The following GALNT13 variants were observed in gnomAD, a reference collection of about 807,000 sequenced individuals.
GALNT13 encodes polypeptide N-acetylgalactosaminyltransferase 13.
In GALNT13, 28 loss-of-function variants were observed where a neutral mutation model predicts 64.2. The observed-to-expected ratio is 0.44, with a 90% CI of 0.32 to 0.60. GALNT13 has a LOEUF of 0.60. Ranked by LOEUF, GALNT13 falls within the 20% of genes least tolerant of loss-of-function variation. GALNT13 has a pLI of 0.05. For missense variants in GALNT13, 577 were observed against 669.8 expected (o/e 0.86, Z 1.53); for synonymous variants, 214 against 224.6 (o/e 0.95, Z 0.42).
the GALNT13 span, among the ~76,000 whole-genome samples, chr2:153,334,216 T>A: frequency 3.3e-5 from 5 of 152,166 alleles, no homozygotes; most frequent in African/African-American, 7.2e-5. Context: ...TTCATTGGAT[T>A]GAATGGAAAA....
At chr2:153,324,702 A>AT in the GALNT13 span, among the ~76,000 whole-genome samples, 1 of 152,156 alleles carries the variant, frequency 6.6e-6, no homozygotes, top group African/African-American at 2.4e-5. Flanking sequence ...GTGGTGTTGA[A>AT]TTTTATCGAA....
At chr2:153,653,064 A>C in the GALNT13 span, among the ~76,000 whole-genome samples, 1 of 152,190 alleles carries the variant, frequency 6.6e-6, no homozygotes, top group African/African-American at 2.4e-5. Flanking sequence ...GTGGCAGATA[A>C]TCCTGAGAGA....
intron 2 of GALNT13, among the ~76,000 whole-genome samples, chr2:153,916,996 T>C (rs1333869754): frequency 1.3e-5 from 2 of 152,192 alleles, no homozygotes; most frequent in Non-Finnish European, 2.9e-5. Flanking sequence ...ACCTTTGCCA[T>C]TGGTAAGTTA....
the GALNT13 span, among the ~76,000 whole-genome samples, chr2:153,440,312 C>T: frequency 1.5e-4 from 23 of 152,182 alleles, no homozygotes; most frequent in Non-Finnish European, 2.8e-4. Flanking sequence ...AGTATTCCGT[C>T]GTGTATATGT....
At chr2:154,047,569 T>C (rs1204940542) in intron 3 of GALNT13, among the ~76,000 whole-genome samples, 1 of 152,196 alleles carries the variant, frequency 6.6e-6, no homozygotes, top group Non-Finnish European at 1.5e-5. Context: ...ATAATAGTTG[T>C]GTTCAACTCA....
At chr2:153,988,306 A>G (rs975841598) in intron 3 of GALNT13, among the ~76,000 whole-genome samples, 16 of 151,856 alleles carry the variant, frequency 1.1e-4, no homozygotes, top group Non-Finnish European at 2.2e-4. Flanking sequence ...TTGCTCAACA[A>G]CTTTTCATTC....
chr2:153,944,674 A>C (rs774393674), intron 3 of GALNT13, 35 bp downstream of exon 3: 13 of 1,548,994 alleles, frequency 8.4e-6, no homozygotes, highest in Non-Finnish European at 8.8e-7. Flanking sequence ...GTCTTTATAG[A>C]GATGAGAAAA....
chr2:153,884,366 T>C (rs1686989599), intron 1 of GALNT13, among the ~76,000 whole-genome samples: 1 of 151,880 alleles, frequency 6.6e-6, no homozygotes, highest in South Asian at 2.1e-4. Context: ...TCATAATCCA[T>C]AAAGATATTG....
chr2:153,516,738 A>T, the GALNT13 span, among the ~76,000 whole-genome samples: 1,888 of 152,230 alleles, frequency 0.012, 41 homozygotes, highest in African/African-American at 0.043. Context: ...TTGTTTGACA[A>T]ATAGTTAAAT....
At chr2:153,189,117 C>T in the GALNT13 span, among the ~76,000 whole-genome samples, 2 of 152,166 alleles carry the variant, frequency 1.3e-5, no homozygotes, top group Non-Finnish European at 2.9e-5. Flanking sequence ...TCTCTCTTAT[C>T]CTTTCCAGAC....
At chr2:153,257,481 C>T in the GALNT13 span, among the ~76,000 whole-genome samples, 1 of 152,018 alleles carries the variant, frequency 6.6e-6, no homozygotes, top group Admixed American at 6.6e-5. Context: ...TCCTCTCTAA[C>T]AGGTACTCTT....
chr2:153,255,128 A>G, the GALNT13 span, among the ~76,000 whole-genome samples: 1 of 151,520 alleles, frequency 6.6e-6, no homozygotes, highest in Non-Finnish European at 1.5e-5. Flanking sequence ...GTCACTCAGG[A>G]CTTGCTTTAT....
chr2:153,335,827 C>CCCCT, the GALNT13 span, among the ~76,000 whole-genome samples: 5 of 152,284 alleles, frequency 3.3e-5, no homozygotes, highest in East Asian at 9.7e-4. Context: ...TTCACAGCAG[C>CCCCT]CCCTCCCATC....
At chr2:154,444,707 G>A (rs930393601) in intron 12 of GALNT13, among the ~76,000 whole-genome samples, 1 of 151,964 alleles carries the variant, frequency 6.6e-6, no homozygotes, top group Non-Finnish European at 1.5e-5. Context: ...AGAGATATTT[G>A]CCATGTGTTA....
chr2:154,345,275 C>A (rs532171135), intron 9 of GALNT13, among the ~76,000 whole-genome samples: 13 of 152,054 alleles, frequency 8.5e-5, no homozygotes, highest in African/African-American at 3.1e-4. Flanking sequence ...AACAAAAGAC[C>A]GATGGTCCCT....
At chr2:154,103,137 C>A (rs1474332178) in intron 3 of GALNT13, among the ~76,000 whole-genome samples, 1 of 151,824 alleles carries the variant, frequency 6.6e-6, no homozygotes, top group Admixed American at 6.6e-5. Context: ...CTCAGGAATG[C>A]CTGTAAGTCA....
the GALNT13 span, among the ~76,000 whole-genome samples, chr2:153,310,331 G>A: frequency 1.3e-5 from 2 of 151,762 alleles, no homozygotes; most frequent in Non-Finnish European, 1.5e-5. Context: ...GCTTAACTTG[G>A]TCATGATAAC....
At chr2:153,101,396 G>C in the GALNT13 span, among the ~76,000 whole-genome samples, 1 of 152,158 alleles carries the variant, frequency 6.6e-6, no homozygotes, top group African/African-American at 2.4e-5. Flanking sequence ...AAGTAGAAAG[G>C]AAACTTTCAA....
At chr2:154,196,954 C>G (rs1686911639) in intron 4 of GALNT13, among the ~76,000 whole-genome samples, 1 of 152,176 alleles carries the variant, frequency 6.6e-6, no homozygotes, top group Non-Finnish European at 1.5e-5. Flanking sequence ...TCCTTACTCT[C>G]AAGAGATGAA....
Sources: allele counts gnomAD v4.1 joint callset (sites outside exome capture counted in the v4.1 genomes callset), GRCh38; gene constraint gnomAD v4.1.1; transcripts MANE v1.5; gene names NCBI Gene and HGNC (gene_info 2026-07-23, HGNC 2026-07-21).